Variants in SLC17A8 observed in about 807,000 individuals in gnomAD.
SLC17A8 encodes solute carrier family 17 member 8, also known as vesicular glutamate transporter 3.
In SLC17A8, 31 loss-of-function variants were observed where a neutral mutation model predicts 58.0. The observed-to-expected ratio is 0.53, with a 90% CI of 0.40 to 0.72. The LOEUF (loss-of-function observed/expected upper bound fraction) is 0.72, where lower values mean the gene tolerates loss of function less well. SLC17A8 is among the 30% of genes least tolerant of loss of function. The probability of loss-of-function intolerance (pLI) is 0.00; values close to 1 mark genes in which losing one functional copy is unlikely to be tolerated. For missense variants in SLC17A8, 655 were observed against 727.8 expected, an observed-to-expected ratio of 0.90 and a Z score of 1.15; for synonymous variants, 228 against 249.0, an observed-to-expected ratio of 0.92 and a Z score of 0.79.
chr12:100,381,400 C>T (rs923754917), intron 2 of SLC17A8, among the ~76,000 whole-genome samples: 7 of 151,526 alleles, frequency 4.6e-5, no homozygotes, highest in Admixed American at 1.3e-4. Flanking sequence ...GTAGGTGCCA[C>T]GTTGGAGGTA....
intron 9 of SLC17A8, among the ~76,000 whole-genome samples, chr12:100,411,144 T>G (rs970514613): frequency 6.6e-6 from 1 of 152,156 alleles, no homozygotes; most frequent in African/African-American, 2.4e-5. Context: ...GGTGATGGTT[T>G]GCTTGTTTGT....
At chr12:100,388,095 C>A (rs1435506479) in intron 2 of SLC17A8, among the ~76,000 whole-genome samples, 1 of 152,198 alleles carries the variant, frequency 6.6e-6, no homozygotes, top group African/African-American at 2.4e-5. Context: ...CAAGACACAA[C>A]CCTACCTTGG....
intron 2 of SLC17A8, among the ~76,000 whole-genome samples, chr12:100,388,970 A>G (rs1309509276): frequency 6.6e-6 from 1 of 152,148 alleles, no homozygotes; most frequent in Non-Finnish European, 1.5e-5. Flanking sequence ...ATGTCCATTC[A>G]CTGAAGACAG....
At chr12:100,378,453 A>G (rs1001279220) in intron 1 of SLC17A8, among the ~76,000 whole-genome samples, 4 of 152,194 alleles carry the variant, frequency 2.6e-5, no homozygotes, top group Admixed American at 2.6e-4. Context: ...GGAGGAGAGG[A>G]ATTGAAGACA....
chr12:100,420,284 AC>A lies in SLC17A8; in HGVS notation c.*126del. The A allele has an allele frequency of 1.4e-6, 1 of 723,478 alleles. No individual in the cohort carries two copies. Among genetic ancestry groups the A allele is most frequent in the Non-Finnish European group, 2.4e-6 (1 of 421,804 alleles). The allele number at this position is 723,478 out of a possible 1,614,324, so 44.8% of individuals were successfully genotyped here. A position where few individuals can be genotyped will look rare whatever the true frequency, so the allele number is the denominator to read the frequency against. On this transcript the variant is annotated 3_prime_UTR_variant, in exon 12 of 12. Transcript: ENST00000323346. Reference sequence around the variant, plus strand: ...GGGAGGGGAGAAGATCTAACCAGCAACAGGGAAAAGAGAAATATTATCTTTC... The same window carrying A: ...GGGAGGGGAGAAGATCTAACCAGCAAAGGGAAAAGAGAAATATTATCTTTC...
At chr12:100,401,705 T>C in intron 5 of SLC17A8, 72 bp from the exon 6 acceptor site, 2 of 1,218,350 alleles carry the variant, frequency 1.6e-6, no homozygotes, top group Non-Finnish European at 2.4e-6. Flanking sequence ...GACTTTACCA[T>C]ATGAATTCTA....
rs748168246 is a variant in SLC17A8, at chr12:100,412,837, C to T, written c.1254C>T (p.Ser418=). 1.2e-6 allele frequency: 2 copies of T among 1,614,126 alleles called. No homozygotes were observed. The highest frequency in any genetic ancestry group is 8.5e-7 in the Non-Finnish European group (1 of 1,180,008). ...CGCATACCAAAGGGGTGGCTATCTCCTTTCTGGTACTTGCTGTAGGATTTA... is the reference window on the plus strand; with the variant it reads ...CGCATACCAAAGGGGTGGCTATCTCTTTTCTGGTACTTGCTGTAGGATTTA... ...GFSHTKGVAI[S]FLVLAVGFSG... is the part of the protein sequence containing the mutation. The change falls in exon 10 of 12, where the codon TCC becomes TCT. Residue 418 remains serine (S), a synonymous_variant. Coordinates refer to ENST00000323346, the MANE Select transcript of SLC17A8 (RefSeq NM_139319.3).
chr12:100,368,477 G>A (rs999417538), intron 1 of SLC17A8, among the ~76,000 whole-genome samples: 2 of 152,100 alleles, frequency 1.3e-5, no homozygotes, highest in African/African-American at 2.4e-5. Flanking sequence ...ACATTCACAG[G>A]TATCGGGGGT....
intron 3 of SLC17A8, 99 bp from the exon 4 acceptor site, chr12:100,393,270 G>A: frequency 2.5e-6 from 2 of 806,292 alleles, no homozygotes; most frequent in Non-Finnish European, 4.3e-6. Context: ...GATTTCCACA[G>A]GGATCTTTCA....
intron 1 of SLC17A8, among the ~76,000 whole-genome samples, chr12:100,363,831 A>G (rs1441191129): frequency 6.6e-6 from 1 of 152,028 alleles, no homozygotes; most frequent in Non-Finnish European, 1.5e-5. Context: ...ATTTGAGGTC[A>G]GGAGTTGGAG....
chr12:100,406,751 G>A (rs1247203096), intron 9 of SLC17A8, among the ~76,000 whole-genome samples: 1 of 152,108 alleles, frequency 6.6e-6, no homozygotes. Context: ...GGCCAGGCTG[G>A]TCTCAAACTC....
chr12:100,393,542 A>C (rs1952731879), intron 4 of SLC17A8, 59 bp downstream of exon 4: 1 of 1,255,376 alleles, frequency 8.0e-7, no homozygotes, highest in Non-Finnish European at 1.2e-6. Context: ...GTCCTTTAGA[A>C]AATTCACCTT....
chr12:100,377,594 T>A (rs1203872185), intron 1 of SLC17A8, among the ~76,000 whole-genome samples: 247 of 138,160 alleles, frequency 1.8e-3, no homozygotes, highest in African/African-American at 5.9e-3. Flanking sequence ...TATTTTTTTT[T>A]TTTTTTTTTT....
chr12:100,390,138 G>T (rs182933964), intron 2 of SLC17A8, among the ~76,000 whole-genome samples: 2 of 151,612 alleles, frequency 1.3e-5, no homozygotes, highest in African/African-American at 2.4e-5. Context: ...CTAGATTTTT[G>T]ATTTTTTGTA....
At chr12:100,393,264 T>A (rs1225600383) in intron 3 of SLC17A8, 105 bp from the exon 4 acceptor site, 9 of 777,032 alleles carry the variant, frequency 1.2e-5, no homozygotes, top group Non-Finnish European at 2.0e-5. Flanking sequence ...CACAGGGATT[T>A]CCACAGGGAT....
intron 5 of SLC17A8, among the ~76,000 whole-genome samples, chr12:100,396,947 C>T (rs2136000363): frequency 6.6e-6 from 1 of 152,248 alleles, no homozygotes; most frequent in East Asian, 1.9e-4. Context: ...TATCCTCAGA[C>T]ATAGCTTTTT....
chr12:100,357,431 C>T lies in SLC17A8; in HGVS notation c.40C>T (p.Leu14=), dbSNP rs757919012. ...ATTTGATACCTTCAAAGAAAAAATTCTGAAACCTGGGAAGGAAGGAGTGAA... is the reference window on the plus strand; with the variant it reads ...ATTTGATACCTTCAAAGAAAAAATTTTGAAACCTGGGAAGGAAGGAGTGAA... ...KAFDTFKEKI[L]KPGKEGVKNA... Residue 14 remains leucine, a synonymous_variant, in exon 1 of 12, where the codon CTG becomes TTG. Coordinates refer to ENST00000323346, the MANE Select transcript of SLC17A8 (RefSeq NM_139319.3). The T allele has an allele frequency of 3.1e-6, 5 of 1,613,810 alleles. No individual in the cohort carries two copies.
intron 9 of SLC17A8, among the ~76,000 whole-genome samples, chr12:100,407,390 C>T (rs1328949826): frequency 3.3e-5 from 5 of 152,250 alleles, no homozygotes; most frequent in Middle Eastern, 3.4e-3. Context: ...TGCTGTTTCT[C>T]CATAATTGGT....
intron 1 of SLC17A8, among the ~76,000 whole-genome samples, chr12:100,358,545 G>T (rs1952463503): frequency 6.6e-6 from 1 of 152,052 alleles, no homozygotes; most frequent in Non-Finnish European, 1.5e-5. Flanking sequence ...TAAGAAAAAA[G>T]AGTTGGACAC....
Sources: allele counts gnomAD v4.1 joint callset (sites outside exome capture counted in the v4.1 genomes callset), GRCh38; gene constraint gnomAD v4.1.1; transcripts MANE v1.5; gene names NCBI Gene and HGNC (gene_info 2026-07-23, HGNC 2026-07-21).